The following WWP2 variants were observed in gnomAD, a reference collection of about 807,000 sequenced individuals.
WWP2 encodes the protein WW domain containing E3 ubiquitin protein ligase 2.
A neutral mutation model predicts 121.0 loss-of-function variants in WWP2; 57 were observed. The observed-to-expected ratio is 0.47, with a 90% CI of 0.38 to 0.59. The LOEUF is 0.59. Among genes scored for constraint, WWP2 ranks in the 20% least tolerant of loss-of-function variants. The probability of loss-of-function intolerance (pLI) is 0.00; values close to 1 mark genes in which losing one functional copy is unlikely to be tolerated. For synonymous variants in WWP2, 449 were observed against 441.3 expected (o/e 1.02, Z -0.22); for missense variants, 962 against 1,158.9 (o/e 0.83, Z 2.47).
At chr16:69,777,761 T>A (rs551140557) in intron 1 of WWP2, among the ~76,000 whole-genome samples, 2 of 151,498 alleles carry the variant, frequency 1.3e-5, no homozygotes, top group South Asian at 4.2e-4. Flanking sequence ...ATATTATATA[T>A]AAATATGTTA....
At chr16:69,832,590 G>A (rs114419008) in intron 4 of WWP2, among the ~76,000 whole-genome samples, 1,725 of 152,132 alleles carry the variant, frequency 0.011, 29 homozygotes, top group African/African-American at 0.039. Flanking sequence ...CACTCAGTCC[G>A]GAGTGCAGTG....
chr16:69,876,575 G>A (rs2057740387), intron 7 of WWP2, among the ~76,000 whole-genome samples: 1 of 151,126 alleles, frequency 6.6e-6, no homozygotes, highest in African/African-American at 2.4e-5. Flanking sequence ...TGTTGGGCAG[G>A]CTGGTCTCAA....
At chr16:69,813,723 C>T (rs796519846) in intron 4 of WWP2, among the ~76,000 whole-genome samples, 4 of 152,292 alleles carry the variant, frequency 2.6e-5, no homozygotes, top group African/African-American at 9.6e-5. Flanking sequence ...CCCACGTTGG[C>T]GTCCCAAAGT....
At chr16:69,839,951 C>T (rs540716227) in intron 4 of WWP2, among the ~76,000 whole-genome samples, 175 bp from the exon 5 acceptor site, 1 of 152,374 alleles carries the variant, frequency 6.6e-6, no homozygotes, top group South Asian at 2.1e-4. Context: ...ACAGTGATTT[C>T]ATTAGACATA....
chr16:69,938,085 C>T (rs1166546200), intron 21 of WWP2, among the ~76,000 whole-genome samples: 9 of 152,058 alleles, frequency 5.9e-5, no homozygotes, highest in Admixed American at 3.9e-4. Flanking sequence ...AAAAAAATAG[C>T]GATTACAGGT....
At chr16:69,874,776 G>T (rs2057705928) in intron 7 of WWP2, among the ~76,000 whole-genome samples, 1 of 152,092 alleles carries the variant, frequency 6.6e-6, no homozygotes. Flanking sequence ...GTCAGAAGTT[G>T]CATCAGCCGT....
chr16:69,895,592 C>T (rs969326379), intron 8 of WWP2, among the ~76,000 whole-genome samples: 7 of 152,042 alleles, frequency 4.6e-5, no homozygotes, highest in Non-Finnish European at 1.0e-4. Context: ...AGCAAGACTT[C>T]GTCTCTACAA....
chr16:69,931,483 A>G (rs570057109), intron 14 of WWP2, 26 bp from the exon 15 acceptor site: 4 of 1,612,730 alleles, frequency 2.5e-6, no homozygotes, highest in East Asian at 2.2e-5. Context: ...GCTCGATTTA[A>G]AGTTCTTTTC....
At chr16:69,812,052 A>G (rs549007276) in intron 4 of WWP2, among the ~76,000 whole-genome samples, 1 of 152,252 alleles carries the variant, frequency 6.6e-6, no homozygotes, top group Admixed American at 6.5e-5. Flanking sequence ...ACCTCATGCA[A>G]GATGCAGTGT....
At chr16:69,936,128 A>G in intron 18 of WWP2, 142 bp downstream of exon 18, 2 of 1,441,580 alleles carry the variant, frequency 1.4e-6, no homozygotes, top group Non-Finnish European at 9.4e-7. Flanking sequence ...GTGGAGAGGA[A>G]TGTCCTCTGG....
chr16:69,899,532 C>G (rs903021318), intron 8 of WWP2, among the ~76,000 whole-genome samples: 3 of 151,998 alleles, frequency 2.0e-5, no homozygotes, highest in African/African-American at 7.3e-5. Context: ...GAGTTCAAGA[C>G]CAGCCTAGCC....
chr16:69,851,548 T>A (rs1243423698), intron 6 of WWP2, among the ~76,000 whole-genome samples: 1 of 152,218 alleles, frequency 6.6e-6, no homozygotes, highest in Non-Finnish European at 1.5e-5. Flanking sequence ...ATTGTCTGCA[T>A]GTACCACAGT....
At chr16:69,847,441 C>G (rs187685072) in intron 6 of WWP2, among the ~76,000 whole-genome samples, 6 of 148,788 alleles carry the variant, frequency 4.0e-5, no homozygotes. Flanking sequence ...TGGAGTTTCA[C>G]TCTTGTTGCC....
At position 69,935,877 on chromosome 16, in the gene WWP2, G is replaced by A. The variant is rs776819186; in HGVS notation, c.1867G>A (p.Asp623Asn). 8.7e-6 allele frequency: 14 copies of A among 1,613,760 alleles called. No homozygotes were observed. The highest frequency in any genetic ancestry group is 2.2e-5 in the East Asian group (1 of 44,880). ...GGCGCTGTACCATGGAAAGTTCATC[G>A]ACACGGGCTTCACCCTCCCTTTCTA... is the stretch of plus-strand genomic sequence containing the variant. ...AMALYHGKFI[D>N]TGFTLPFYKR... Residue 623 changes from aspartate (D) to asparagine (N), a missense_variant, in exon 18 of 24, where the codon GAC (aspartate) becomes AAC (asparagine). Asp to Asn is a conservative substitution (Grantham distance 23). Transcript: ENST00000359154. This position sits in a 1 kb window ranked among gnomAD's most constrained non-coding sequence, Gnocchi z 5.2.
At chr16:69,884,606 T>C (rs1471329484) in intron 7 of WWP2, among the ~76,000 whole-genome samples, 1 of 152,170 alleles carries the variant, frequency 6.6e-6, no homozygotes, top group Non-Finnish European at 1.5e-5. Flanking sequence ...CCAGCCTGGG[T>C]GACAGAGCAA....
At chr16:69,807,462 T>TA (rs918808449) in intron 4 of WWP2, among the ~76,000 whole-genome samples, 2 of 151,654 alleles carry the variant, frequency 1.3e-5, no homozygotes, top group Admixed American at 1.3e-4. Flanking sequence ...TACAAAGATT[T>TA]AAAAAAATTA....
intron 9 of WWP2, among the ~76,000 whole-genome samples, chr16:69,911,067 C>T (rs1267592599): frequency 6.6e-6 from 1 of 152,200 alleles, no homozygotes; most frequent in East Asian, 1.9e-4. Context: ...TGGCAGAAGT[C>T]CTGCCTCCAG....
At chr16:69,892,728 C>T (rs2058048821) in intron 8 of WWP2, among the ~76,000 whole-genome samples, 2 of 152,160 alleles carry the variant, frequency 1.3e-5, no homozygotes, top group Non-Finnish European at 1.5e-5. Context: ...GAGACAAGGT[C>T]TCCCTATGTT....
chr16:69,845,047 G>A (rs2057044801), intron 6 of WWP2, among the ~76,000 whole-genome samples: 1 of 152,186 alleles, frequency 6.6e-6, no homozygotes, highest in African/African-American at 2.4e-5. Context: ...TAGGGCTTTG[G>A]AATCAGGAGA....
Sources: gnomAD v4.1 joint callset for allele counts (sites outside exome capture counted in the v4.1 genomes callset) on GRCh38, gnomAD v4.1.1 for gene constraint, Gnocchi (gnomAD v3.1) non-coding constraint, MANE v1.5 for transcripts, NCBI Gene and HGNC (gene_info 2026-07-23, HGNC 2026-07-21) for gene names.